RIMKLB: variants seen among roughly 807,000 people sequenced by gnomAD.
The protein encoded by RIMKLB is beta-citrylglutamate synthase B.
Under a neutral mutation model 32.0 loss-of-function variants are expected in RIMKLB, and 7 were observed. The ratio of observed to expected loss-of-function variants is 0.22; its 90% CI spans 0.12 to 0.41. The LOEUF is 0.41. Ranked by LOEUF, RIMKLB falls within the 10% of genes least tolerant of loss-of-function variation. The pLI is 1.00. For missense variants in RIMKLB, 289 were observed against 498.7 expected, an observed-to-expected ratio of 0.58 and a Z score of 4.00; for synonymous variants, 172 against 185.1, an observed-to-expected ratio of 0.93 and a Z score of 0.57.
chr12:8,768,175 G>C lies in RIMKLB; in HGVS notation c.698-5146G>C, dbSNP rs113093064. On this transcript the variant is annotated intron_variant, in intron 5 of 5. Transcript: ENST00000535829. Reference sequence around the variant, plus strand: ...GAACCCAGCGACTACTGTTCAGCTCGATTAGGAAGAACCCAGGCACTTAGT... The same window carrying C: ...GAACCCAGCGACTACTGTTCAGCTCCATTAGGAAGAACCCAGGCACTTAGT... Among the ~76,000 whole-genome samples, 59 of 152,330 alleles carry C rather than the reference G, an allele frequency of 3.9e-4. 2 individuals are homozygous for C. Among genetic ancestry groups the C allele is most frequent in the African/African-American group, 1.3e-3 (56 of 41,580 alleles).
At chr12:8,721,088 A>G (rs1945398985) in intron 2 of RIMKLB, among the ~76,000 whole-genome samples, 1 of 152,212 alleles carries the variant, frequency 6.6e-6, no homozygotes, top group Non-Finnish European at 1.5e-5. Flanking sequence ...TGAGAGTTTA[A>G]TTGTAATGTG....
chr12:8,741,211 AT>A (rs1420877858), intron 2 of RIMKLB, among the ~76,000 whole-genome samples: 2 of 150,898 alleles, frequency 1.3e-5, no homozygotes, highest in Non-Finnish European at 3.0e-5. Context: ...GTCAAAAAAG[AT>A]TTTTTAAATA....
chr12:8,777,219 T>TC (rs1950782388), downstream of RIMKLB: 1 of 938,144 alleles, frequency 1.1e-6, no homozygotes, highest in South Asian at 5.0e-5. Context: ...TGCTTTCTTT[T>TC]TTTTTTTTTT....
chr12:8,682,803 TAAA>T (rs34405359), intron 1 of RIMKLB, among the ~76,000 whole-genome samples: 5 of 132,394 alleles, frequency 3.8e-5, no homozygotes, highest in East Asian at 2.2e-4. Context: ...ATAAATAAAT[TAAA>T]AAAAAAAAAA....
At chr12:8,693,258 G>A (rs770892652), upstream of RIMKLB, among the ~76,000 whole-genome samples, 11 of 152,118 alleles carry the variant, frequency 7.2e-5, no homozygotes, top group Non-Finnish European at 1.6e-4. Context: ...GGGTTGACTG[G>A]ACCTGGGTAA....
chr12:8,677,121 A>G (rs1050848339), upstream of RIMKLB, among the ~76,000 whole-genome samples: 1 of 152,212 alleles, frequency 6.6e-6, no homozygotes, highest in Non-Finnish European at 1.5e-5. Context: ...AGTCTTGAAT[A>G]TGTAGTTTTT....
chr12:8,777,352 G>C (rs1950797234), downstream of RIMKLB: 1 of 981,550 alleles, frequency 1.0e-6, no homozygotes. Context: ...GAATCTTCTA[G>C]TCTTCCAGGT....
At chr12:8,703,504 C>T (rs1450965790) in intron 1 of RIMKLB, among the ~76,000 whole-genome samples, 1 of 151,632 alleles carries the variant, frequency 6.6e-6, no homozygotes, top group South Asian at 2.1e-4. Context: ...ATTTTTTTTT[C>T]TTTCACTTTT....
At chr12:8,699,237 A>C (rs1195685037) in intron 1 of RIMKLB, among the ~76,000 whole-genome samples, 1 of 152,200 alleles carries the variant, frequency 6.6e-6, no homozygotes, top group Non-Finnish European at 1.5e-5. Flanking sequence ...AGGTATAGAA[A>C]GTATATGGGC....
At chr12:8,749,841 T>A in intron 2 of RIMKLB, 21 bp from the exon 3 acceptor site, 1 of 1,493,580 alleles carries the variant, frequency 6.7e-7, no homozygotes. Context: ...ATTGTGTTGG[T>A]CTTGTATTTA....
chr12:8,742,780 C>A, intron 2 of RIMKLB: 1 of 222,488 alleles, frequency 4.5e-6, no homozygotes, highest in South Asian at 7.2e-5. Context: ...AGGCAGCTTT[C>A]CAGGAGCTGT....
chr12:8,687,368 G>A (rs1176188998), intron 1 of RIMKLB, among the ~76,000 whole-genome samples: 1 of 152,116 alleles, frequency 6.6e-6, no homozygotes, highest in Non-Finnish European at 1.5e-5. Context: ...CTCATCAAAG[G>A]ATTTTCCTCT....
At chr12:8,772,226 A>G (rs767545352) in intron 5 of RIMKLB, among the ~76,000 whole-genome samples, 1 of 152,090 alleles carries the variant, frequency 6.6e-6, no homozygotes, top group African/African-American at 2.4e-5. Flanking sequence ...ATTTTTAGCT[A>G]TGCTTTGCAT....
intron 5 of RIMKLB, among the ~76,000 whole-genome samples, chr12:8,762,645 A>G (rs781228306): frequency 7.5e-4 from 114 of 152,272 alleles, no homozygotes; most frequent in African/African-American, 2.7e-3. Context: ...ATGGAGGACT[A>G]GGTAAGCATA....
At chr12:8,669,686 G>A in the RIMKLB span, among the ~76,000 whole-genome samples, 1 of 151,964 alleles carries the variant, frequency 6.6e-6, no homozygotes, top group Non-Finnish European at 1.5e-5. Flanking sequence ...AAAAAATAAA[G>A]AAGAGATAAG....
intron 2 of RIMKLB, among the ~76,000 whole-genome samples, chr12:8,741,824 T>C (rs1223107746): frequency 6.6e-6 from 1 of 151,850 alleles, no homozygotes; most frequent in Non-Finnish European, 1.5e-5. Context: ...GGATCAGTTA[T>C]ACCCCAGACC....
chr12:8,777,249 AAAAAC>A (rs1164610122), downstream of RIMKLB: 77 of 938,968 alleles, frequency 8.2e-5, no homozygotes, highest in Non-Finnish European at 9.4e-5. Flanking sequence ...TTCTTCTTAA[AAAAAC>A]AAAACAAAGT....
Position 8,774,369 on chromosome 12 carries a change from T to C in RIMKLB, c.*585T>C. The stretch of plus-strand genomic sequence containing the variant: ...CCGCTTAATTTGGTGGGAGGTCAAA[T>C]TGAATATAACCCAATAAAGGCTTCT... On this transcript the variant is annotated 3_prime_UTR_variant, in exon 6 of 6. Transcript: ENST00000535829. 4.1e-6 allele frequency: 4 copies of C among 986,032 alleles called. No individual in the cohort carries two copies. Among genetic ancestry groups the C allele is most frequent in the Non-Finnish European group, 4.8e-6 (4 of 830,070 alleles). 61.1% of individuals were successfully genotyped at this position (986,032 alleles called of 1,614,324 possible).
intron 4 of RIMKLB, 98 bp downstream of exon 4, chr12:8,752,141 T>C: frequency 2.6e-6 from 2 of 776,132 alleles, no homozygotes; most frequent in East Asian, 2.6e-5. Context: ...AATTGTTAGA[T>C]GCATGATACC....
Sources: gnomAD v4.1 joint callset for allele counts (sites outside exome capture counted in the v4.1 genomes callset) on GRCh38, gnomAD v4.1.1 for gene constraint, MANE v1.5 for transcripts, NCBI Gene and HGNC (gene_info 2026-07-23, HGNC 2026-07-21) for gene names.